Variants in RBFOX1 observed in about 807,000 individuals in gnomAD.
RBFOX1 encodes RNA binding protein fox-1 homolog 1.
Under a neutral mutation model 57.7 loss-of-function variants are expected in RBFOX1, and 8 were observed. The ratio of observed to expected loss-of-function variants is 0.14; its 90% CI spans 0.08 to 0.25. The LOEUF is 0.25. RBFOX1 is among the 10% of genes least tolerant of loss of function. The probability of loss-of-function intolerance (pLI) is 1.00; values close to 1 mark genes in which losing one functional copy is unlikely to be tolerated. For missense variants in RBFOX1, 611 were observed against 548.5 expected (o/e 1.11, Z -1.14); for synonymous variants, 326 against 222.4 (o/e 1.47, Z -4.15).
intron 10 of RBFOX1, among the ~76,000 whole-genome samples, chr16:7,613,079 T>C (rs2057827354): frequency 6.6e-6 from 1 of 152,078 alleles, no homozygotes; most frequent in African/African-American, 2.4e-5. Flanking sequence ...TATAGTTAGG[T>C]CCCAGAGATG....
At chr16:6,200,116 A>C (rs148316398) in intron 1 of RBFOX1, among the ~76,000 whole-genome samples, 3 of 152,284 alleles carry the variant, frequency 2.0e-5, no homozygotes, top group Admixed American at 1.3e-4. Flanking sequence ...AAAGGGAGCC[A>C]AATTGTTTCT....
intron 4 of RBFOX1, among the ~76,000 whole-genome samples, chr16:5,894,803 C>T (rs1380909239): frequency 2.0e-5 from 3 of 152,016 alleles, no homozygotes; most frequent in Non-Finnish European, 2.9e-5. Context: ...AGGCGGATCA[C>T]GAGGTCAGGA....
At chr16:5,837,760 C>G (rs1204978456) in intron 3 of RBFOX1, among the ~76,000 whole-genome samples, 1 of 152,136 alleles carries the variant, frequency 6.6e-6, no homozygotes, top group Non-Finnish European at 1.5e-5. Flanking sequence ...ATTTATATAA[C>G]GTTGGCTTTC....
At chr16:7,487,364 A>T (rs1310610496) in intron 4 of RBFOX1, among the ~76,000 whole-genome samples, 1 of 152,110 alleles carries the variant, frequency 6.6e-6, no homozygotes, top group Non-Finnish European at 1.5e-5. Context: ...ATTGTACTTC[A>T]TATCAATGTG....
intron 5 of RBFOX1, among the ~76,000 whole-genome samples, chr16:7,546,922 G>C (rs2084711476): frequency 6.6e-6 from 1 of 151,958 alleles, no homozygotes; most frequent in Non-Finnish European, 1.5e-5. Context: ...AGAACTTCTG[G>C]GTCAAAGAGT....
chr16:7,563,577 C>G (rs771380284), intron 5 of RBFOX1, among the ~76,000 whole-genome samples: 1 of 152,168 alleles, frequency 6.6e-6, no homozygotes, highest in Non-Finnish European at 1.5e-5. Context: ...AGGCAATTCT[C>G]CTGCCTCAGC....
At chr16:6,829,634 C>G (rs900316421) in intron 3 of RBFOX1, among the ~76,000 whole-genome samples, 5 of 152,070 alleles carry the variant, frequency 3.3e-5, no homozygotes, top group African/African-American at 9.7e-5. Flanking sequence ...CGGAGTCTCG[C>G]TCTGTCACCC....
At chr16:6,976,794 TGATATATGA>T (rs2087007032) in intron 3 of RBFOX1, among the ~76,000 whole-genome samples, 2 of 115,294 alleles carry the variant, frequency 1.7e-5, no homozygotes, top group African/African-American at 7.8e-5. Flanking sequence ...ATTATATATA[TGATATATGA>T]GATATAAATG....
At chr16:5,524,348 T>A (rs1440559565) in intron 2 of RBFOX1, among the ~76,000 whole-genome samples, 1 of 152,184 alleles carries the variant, frequency 6.6e-6, no homozygotes, top group African/African-American at 2.4e-5. Flanking sequence ...GGTTAAGCAT[T>A]GCCTTCGAGA....
chr16:5,820,235 GT>G (rs568741051), intron 3 of RBFOX1, among the ~76,000 whole-genome samples: 3 of 152,238 alleles, frequency 2.0e-5, no homozygotes, highest in Non-Finnish European at 4.4e-5. Flanking sequence ...TGACTGCAAA[GT>G]TCATTCTCTT....
intron 2 of RBFOX1, among the ~76,000 whole-genome samples, chr16:6,367,726 C>T (rs961203305): frequency 7.0e-6 from 1 of 142,406 alleles, no homozygotes. Context: ...ATCTTTTGGA[C>T]AGGTAGAATG....
chr16:7,103,769 C>G (rs184913165), intron 4 of RBFOX1, among the ~76,000 whole-genome samples: 1 of 152,088 alleles, frequency 6.6e-6, no homozygotes, highest in Non-Finnish European at 1.5e-5. Flanking sequence ...TACAGAAAAA[C>G]CTCTAAGGTA....
At chr16:5,600,366 G>A (rs1180202937), downstream of RBFOX1, among the ~76,000 whole-genome samples, 3 of 151,042 alleles carry the variant, frequency 2.0e-5, no homozygotes, top group Non-Finnish European at 4.4e-5. Context: ...TGCGCCTGCA[G>A]TCTCAGACAC....
At chr16:7,099,061 G>T (rs2062193640) in intron 4 of RBFOX1, among the ~76,000 whole-genome samples, 1 of 152,118 alleles carries the variant, frequency 6.6e-6, no homozygotes, top group Admixed American at 6.6e-5. Flanking sequence ...TCCTTGCATA[G>T]TATCTTTCTC....
At position 7,218,385 on chromosome 16, in the gene RBFOX1, G is replaced by C. The variant is rs138568790; in HGVS notation, c.27+166287G>C. On this transcript the variant is annotated intron_variant, in intron 4 of 15. Transcript: ENST00000550418. ...GTATGCTTCCTATGAGACAGAGTTA[G>C]AAGTGGAAAGAGGTGAAGATAGAGA... Among the ~76,000 whole-genome samples, 336 of 152,250 alleles carry C rather than the reference G, an allele frequency of 2.2e-3. 4 individuals carry two copies. Among genetic ancestry groups the C allele is most frequent in the African/African-American group, 7.3e-3 (302 of 41,546 alleles).
At chr16:6,697,757 A>G (rs2061267907) in intron 3 of RBFOX1, among the ~76,000 whole-genome samples, 1 of 152,202 alleles carries the variant, frequency 6.6e-6, no homozygotes, top group South Asian at 2.1e-4. Context: ...AGGAAAACAG[A>G]TACTGAGCAA....
rs114348182 is a variant in RBFOX1 at position 5,322,123 on chromosome 16, C to G, written c.219+82018C>G. Among the ~76,000 whole-genome samples, 1,192 of 152,308 alleles carry G rather than the reference C, an allele frequency of 7.8e-3. 17 individuals are homozygous for G. The highest frequency in any genetic ancestry group is 0.027 in the African/African-American group (1,127 of 41,562). ...CCCTGACGCATCTGATTCCAAAGCT[C>G]AAGCTCTGAGTCATATTTTCCAGGT... On this transcript the variant is annotated intron_variant, in intron 1 of 2. Transcript: ENST00000585867.
intron 11 of RBFOX1, among the ~76,000 whole-genome samples, chr16:7,643,599 C>A (rs550607941): frequency 6.6e-6 from 1 of 152,314 alleles, no homozygotes; most frequent in East Asian, 1.9e-4. Context: ...CCTTTACTCA[C>A]ACTGTACTAG....
At chr16:5,549,231 C>A (rs1033345002) in intron 2 of RBFOX1, among the ~76,000 whole-genome samples, 4 of 152,154 alleles carry the variant, frequency 2.6e-5, no homozygotes, top group African/African-American at 9.7e-5. Context: ...CGGTCAGCAT[C>A]TGGGAGAGCC....
Sources: gnomAD v4.1 joint callset for allele counts (sites outside exome capture counted in the v4.1 genomes callset) on GRCh38, gnomAD v4.1.1 for gene constraint, MANE v1.5 for transcripts, NCBI Gene and HGNC (gene_info 2026-07-23, HGNC 2026-07-21) for gene names.